Variants in BRINP3 observed in about 807,000 individuals in gnomAD.
BRINP3 encodes the protein BMP/retinoic acid-inducible neural-specific protein 3.
Under a neutral mutation model 71.0 loss-of-function variants are expected in BRINP3, and 19 were observed. The ratio of observed to expected loss-of-function variants is 0.27; its 90% confidence interval spans 0.19 to 0.39. The LOEUF (loss-of-function observed/expected upper bound fraction) is 0.39, where lower values mean the gene tolerates loss of function less well. BRINP3 is among the 10% of genes least tolerant of loss of function. The probability of loss-of-function intolerance (pLI) is 1.00; values close to 1 mark genes in which losing one functional copy is unlikely to be tolerated. For synonymous variants in BRINP3, 380 were observed against 337.7 expected, an observed-to-expected ratio of 1.13 and a Z score of -1.37; for missense variants, 959 against 940.8, an observed-to-expected ratio of 1.02 and a Z score of -0.25.
chr1:190,421,316 A>ATTATTATTATTATT (rs1553316981), intron 2 of BRINP3, among the ~76,000 whole-genome samples: 1 of 145,562 alleles, frequency 6.9e-6, no homozygotes, highest in Non-Finnish European at 1.5e-5. Flanking sequence ...TATTATTATT[A>ATTATTATTATTATT]TTATTATTAT....
chr1:190,186,958 C>T (rs565381839), intron 6 of BRINP3, among the ~76,000 whole-genome samples: 16 of 152,196 alleles, frequency 1.1e-4, no homozygotes, highest in African/African-American at 3.6e-4. Flanking sequence ...TCTGTATCTT[C>T]CTTTTACAAA....
intron 2 of BRINP3, among the ~76,000 whole-genome samples, chr1:190,453,353 T>C (rs1252782200): frequency 6.6e-6 from 1 of 151,356 alleles, no homozygotes; most frequent in Non-Finnish European, 1.5e-5. Context: ...CCCCAGTAGC[T>C]GGGACTACAG....
At chr1:190,243,997 C>G (rs902633993) in intron 4 of BRINP3, among the ~76,000 whole-genome samples, 2 of 151,992 alleles carry the variant, frequency 1.3e-5, no homozygotes, top group African/African-American at 4.8e-5. Flanking sequence ...ATGGGACTGT[C>G]TAGTGGCAGG....
intron 2 of BRINP3, among the ~76,000 whole-genome samples, chr1:190,370,628 G>A (rs1669798490): frequency 6.6e-6 from 1 of 152,200 alleles, no homozygotes; most frequent in South Asian, 2.1e-4. Flanking sequence ...TAGGTTAGAG[G>A]ATATTTGGCG....
Position 190,098,182 on chromosome 1 carries a change from G to A in BRINP3, c.2137C>T (p.Leu713Phe), listed in dbSNP as rs199932346. The change falls in exon 8 of 8, where the codon CTC (leucine) becomes TTC (phenylalanine). Residue 713 changes from leucine to phenylalanine, a missense_variant. By Grantham distance (22) the Leu-to-Phe change is conservative. Coordinates refer to ENST00000367462, the MANE Select transcript of BRINP3 (RefSeq NM_199051.3). ...AGACGACGCTGACCAGGTGGGGAGA[G>A]TTTATTTACACGGTCTCTGATCTCT... Reference protein sequence around the residue: ...LLEIRDRVNKLSPPGQRRLDL... With the variant: ...LLEIRDRVNKFSPPGQRRLDL... 3 of 1,614,158 alleles carry A rather than the reference G, an allele frequency of 1.9e-6. No individual in the cohort carries two copies. The East Asian group carries it at 6.7e-5, about 36-fold the overall frequency.
intron 6 of BRINP3, among the ~76,000 whole-genome samples, chr1:190,182,603 C>T (rs937761699): frequency 2.6e-5 from 4 of 152,050 alleles, no homozygotes; most frequent in Non-Finnish European, 5.9e-5. Context: ...GCAGGTATGG[C>T]CTTTGTGTTC....
At chr1:190,424,381 C>T (rs1673568682) in intron 2 of BRINP3, among the ~76,000 whole-genome samples, 1 of 151,578 alleles carries the variant, frequency 6.6e-6, no homozygotes, top group African/African-American at 2.4e-5. Flanking sequence ...CAGAAAACAA[C>T]CTGATGTTGA....
intron 7 of BRINP3, among the ~76,000 whole-genome samples, chr1:190,122,925 G>A (rs1653795492): frequency 6.6e-6 from 1 of 152,118 alleles, no homozygotes; most frequent in Non-Finnish European, 1.5e-5. Context: ...CTGAGGTCAT[G>A]TCCCTCAATA....
At chr1:190,193,148 G>A (rs975726046) in intron 6 of BRINP3, among the ~76,000 whole-genome samples, 2 of 152,100 alleles carry the variant, frequency 1.3e-5, no homozygotes, top group Admixed American at 1.3e-4. Context: ...TGAGTGGAAT[G>A]GTTTATGAGT....
chr1:190,221,778 A>G (rs1207832461), intron 6 of BRINP3, among the ~76,000 whole-genome samples: 1 of 152,142 alleles, frequency 6.6e-6, no homozygotes, highest in Non-Finnish European at 1.5e-5. Flanking sequence ...CCTATATCAG[A>G]CAAAATAGAT....
intron 4 of BRINP3, among the ~76,000 whole-genome samples, chr1:190,258,089 A>C (rs1660833653): frequency 6.6e-6 from 1 of 152,210 alleles, no homozygotes; most frequent in Non-Finnish European, 1.5e-5. Flanking sequence ...CTGCCCCCAG[A>C]GGTGGAGTCT....
chr1:190,365,127 T>C (rs943842763), intron 2 of BRINP3, among the ~76,000 whole-genome samples: 4 of 152,138 alleles, frequency 2.6e-5, no homozygotes, highest in African/African-American at 9.7e-5. Flanking sequence ...CTGATTGCAT[T>C]ATCATCTTTA....
chr1:190,231,998 A>G (rs1233315135), intron 5 of BRINP3, among the ~76,000 whole-genome samples: 1 of 151,964 alleles, frequency 6.6e-6, no homozygotes, highest in Non-Finnish European at 1.5e-5. Flanking sequence ...TGATAATTTC[A>G]GGATTCTCTC....
At chr1:190,339,426 A>T (rs903201490) in intron 2 of BRINP3, among the ~76,000 whole-genome samples, 1 of 152,040 alleles carries the variant, frequency 6.6e-6, no homozygotes, top group African/African-American at 2.4e-5. Context: ...CTAGAATCAC[A>T]TCTCAGTTCA....
chr1:190,110,737 A>G (rs1398139112), intron 7 of BRINP3, among the ~76,000 whole-genome samples: 1 of 152,180 alleles, frequency 6.6e-6, no homozygotes, highest in East Asian at 1.9e-4. Flanking sequence ...TGTGGCCATT[A>G]GGAATAGATT....
chr1:190,273,932 T>C (rs1258107028), intron 3 of BRINP3, among the ~76,000 whole-genome samples: 3 of 151,624 alleles, frequency 2.0e-5, no homozygotes, highest in Non-Finnish European at 4.4e-5. Flanking sequence ...GCATACATAG[T>C]TTCATGATCC....
chr1:190,138,713 C>G (rs1184796001), intron 7 of BRINP3, among the ~76,000 whole-genome samples: 1 of 152,128 alleles, frequency 6.6e-6, no homozygotes, highest in African/African-American at 2.4e-5. Flanking sequence ...TGTAGCTTTG[C>G]AGAGATACCA....
At chr1:190,389,877 A>G (rs985470370) in intron 2 of BRINP3, among the ~76,000 whole-genome samples, 72 of 151,810 alleles carry the variant, frequency 4.7e-4, no homozygotes, top group African/African-American at 1.6e-3. Flanking sequence ...AAGTGGAAGA[A>G]GTGAAATAAA....
intron 7 of BRINP3, among the ~76,000 whole-genome samples, chr1:190,157,533 C>T (rs967778397): frequency 2.0e-5 from 3 of 152,052 alleles, no homozygotes; most frequent in African/African-American, 7.2e-5. Flanking sequence ...TAACCAGACT[C>T]ATCAATTTGC....
Sources: allele counts gnomAD v4.1 joint callset (sites outside exome capture counted in the v4.1 genomes callset), GRCh38; gene constraint gnomAD v4.1.1; transcripts MANE v1.5; gene names NCBI Gene and HGNC (gene_info 2026-07-23, HGNC 2026-07-21).